Variants in SLC37A3 observed in about 807,000 individuals in gnomAD.
SLC37A3 encodes sugar phosphate exchanger 3.
SLC37A3 carries 51 observed loss-of-function variants against 67.1 expected under a neutral mutation model. The ratio of observed to expected loss-of-function variants is 0.76; its 90% CI spans 0.61 to 0.96. The LOEUF (loss-of-function observed/expected upper bound fraction) is 0.96, where lower values mean the gene tolerates loss of function less well. SLC37A3 is among the 40% of genes least tolerant of loss of function. The pLI is 0.00. For synonymous variants in SLC37A3, 214 were observed against 231.4 expected (o/e 0.92, Z 0.68); for missense variants, 508 against 603.0 (o/e 0.84, Z 1.65).
At chr7:140,372,096 T>G (rs1255886213) in intron 3 of SLC37A3, among the ~76,000 whole-genome samples, 1 of 152,132 alleles carries the variant, frequency 6.6e-6, no homozygotes, top group Non-Finnish European at 1.5e-5. Context: ...GTGATCCACC[T>G]GCCTCGGCCT....
At chr7:140,342,380 T>TCCATGA (rs1474916202) in intron 13 of SLC37A3, among the ~76,000 whole-genome samples, 4 of 152,162 alleles carry the variant, frequency 2.6e-5, no homozygotes, top group African/African-American at 4.8e-5. Context: ...CCTCTCTACA[T>TCCATGA]CCATGACCTT....
chr7:140,380,384 C>G lies in SLC37A3; in HGVS notation c.96G>C (p.Ser32=). The G allele has an allele frequency of 1.2e-6, 2 of 1,607,742 alleles. No individual in the cohort carries two copies. The highest frequency in any genetic ancestry group is 1.7e-6 in the Non-Finnish European group (2 of 1,175,144). Residue 32 remains serine (S), a synonymous_variant, in exon 3 of 15, where the codon TCG becomes TCC. Transcript: ENST00000326232. ...VVFLLTFFSY[S]LLHASRKTFS... ...ATGTTTTTCGTGAAGCATGGAGCAA[C>G]GAATAACTACAAAATAGAGAGAATA...
At chr7:140,392,876 G>A (rs1054626133) in intron 1 of SLC37A3, among the ~76,000 whole-genome samples, 1 of 152,152 alleles carries the variant, frequency 6.6e-6, no homozygotes, top group East Asian at 1.9e-4. Flanking sequence ...CGGATCACCT[G>A]AGGTCAGGAG....
rs1460373974 is a variant in SLC37A3 at position 140,358,637 on chromosome 7, T to C, written c.521+3A>G. 5.6e-6 allele frequency: 9 copies of C among 1,613,428 alleles called. No homozygotes were observed. The highest frequency in any genetic ancestry group is 7.6e-6 in the Non-Finnish European group (9 of 1,179,564). On this transcript the variant is annotated splice_donor_region_variant and intron_variant, in intron 6 of 14. Coordinates refer to ENST00000326232, the MANE Select transcript of SLC37A3 (RefSeq NM_207113.3). Reference sequence around the variant, plus strand: ...GAAATTAGAGAGGAAGGAAGTGGCATACCCGGCTTTCCCAAACCAGTTGCC... The same window carrying C: ...GAAATTAGAGAGGAAGGAAGTGGCACACCCGGCTTTCCCAAACCAGTTGCC...
In SLC37A3 at chr7:140,352,112, GCAA is replaced by G. The variant is rs1796832007; in HGVS notation, c.650_652del (p.Phe217_Ala218delinsSer). 3.1e-6 allele frequency: 5 copies of G among 1,613,220 alleles called. No homozygotes were observed. The highest frequency in any genetic ancestry group is 4.2e-6 in the Non-Finnish European group (5 of 1,179,872). On this transcript the variant is annotated inframe_deletion, in exon 8 of 15. Coordinates refer to ENST00000326232, the MANE Select transcript of SLC37A3 (RefSeq NM_207113.3). ...TCCAAAGAAGATAACGATCCCACCA[GCAA>G]ACTGCACAGACGCCGTCACCAGAAA...
chr7:140,394,904 GC>G (rs1798858632), intron 1 of SLC37A3, among the ~76,000 whole-genome samples: 1 of 151,410 alleles, frequency 6.6e-6, no homozygotes. Flanking sequence ...ACTGTGCCCA[GC>G]CCTCATAAAA....
intron 8 of SLC37A3, 134 bp downstream of exon 8, chr7:140,351,928 T>TA: frequency 1.1e-6 from 1 of 890,340 alleles, no homozygotes; most frequent in Non-Finnish European, 1.8e-6. Flanking sequence ...CAAACGGCAG[T>TA]ACTGTTCTCC....
chr7:140,350,386 G>A (rs1284603536), intron 9 of SLC37A3, among the ~76,000 whole-genome samples: 1 of 152,214 alleles, frequency 6.6e-6, no homozygotes, highest in African/African-American at 2.4e-5. Context: ...GTAGACGTTA[G>A]AAGGCTTTCC....
At chr7:140,360,610 T>C (rs1585299181) in intron 5 of SLC37A3, among the ~76,000 whole-genome samples, 1 of 151,878 alleles carries the variant, frequency 6.6e-6, no homozygotes, top group Non-Finnish European at 1.5e-5. Context: ...GGTGCACACC[T>C]GTAGTCCCAG....
At chr7:140,365,887 C>G (rs137997912) in intron 4 of SLC37A3, among the ~76,000 whole-genome samples, 61 of 135,080 alleles carry the variant, frequency 4.5e-4, no homozygotes, top group African/African-American at 1.6e-3. Context: ...AAGAAAATCT[C>G]AATTCTGCTT....
At chr7:140,377,318 G>A (rs949672351) in intron 3 of SLC37A3, among the ~76,000 whole-genome samples, 2 of 152,010 alleles carry the variant, frequency 1.3e-5, no homozygotes, top group Admixed American at 1.3e-4. Flanking sequence ...TCCTGCCTAG[G>A]CCTCCCAAAG....
At chr7:140,358,213 A>G (rs1222487312) in intron 6 of SLC37A3, among the ~76,000 whole-genome samples, 7 of 152,200 alleles carry the variant, frequency 4.6e-5, no homozygotes, top group African/African-American at 1.7e-4. Context: ...GTCAACATGA[A>G]TAACCTTTGA....
In SLC37A3 at chr7:140,365,919, CTTTTTTTTTTTTTTTTTTTTTTT is replaced by C. The variant is rs71170981; in HGVS notation, c.292-1451_292-1429del. On this transcript the variant is annotated intron_variant, in intron 4 of 14. Transcript: ENST00000326232. The stretch of plus-strand genomic sequence containing the variant: ...GCTTCAGATGACAGAACAATACATG[CTTTTTTTTTTTTTTTTTTTTTTT>C]TTTTTTTTTTTTTGAGACAGAGTCT... Among the ~76,000 whole-genome samples, 9 of 43,908 alleles carry C rather than the reference CTTTTTTTTTTTTTTTTTTTTTTT, an allele frequency of 2.0e-4. 1 individual carries two copies. Among genetic ancestry groups the C allele is most frequent in the East Asian group, 9.2e-4 (1 of 1,088 alleles). 28.8% of individuals were successfully genotyped at this position (43,908 alleles called of 152,430 possible).
At chr7:140,340,735 T>C (rs1349477583) in intron 13 of SLC37A3, among the ~76,000 whole-genome samples, 1 of 151,328 alleles carries the variant, frequency 6.6e-6, no homozygotes, top group Non-Finnish European at 1.5e-5. Context: ...TTGAGACCAG[T>C]CTGGGCAATG....
chr7:140,374,479 A>C (rs1448708740), intron 3 of SLC37A3, among the ~76,000 whole-genome samples: 4 of 149,828 alleles, frequency 2.7e-5, no homozygotes, highest in Admixed American at 6.8e-5. Flanking sequence ...CCTGGGCGAC[A>C]GAGCAAGACT....
At chr7:140,348,577 T>C in intron 10 of SLC37A3, 49 bp downstream of exon 10, 4 of 1,554,772 alleles carry the variant, frequency 2.6e-6, no homozygotes, top group Non-Finnish European at 2.6e-6. Flanking sequence ...CAGTAAAAGA[T>C]CACTAGTGAC....
intron 3 of SLC37A3, among the ~76,000 whole-genome samples, chr7:140,375,249 G>T (rs574816525): frequency 2.6e-5 from 4 of 151,040 alleles, no homozygotes; most frequent in Non-Finnish European, 4.4e-5. Flanking sequence ...CGGGTGGATT[G>T]CCTGAGCTCA....
At chr7:140,362,737 C>G (rs1484047821) in intron 5 of SLC37A3, among the ~76,000 whole-genome samples, 2 of 90,644 alleles carry the variant, frequency 2.2e-5, no homozygotes, top group Admixed American at 1.9e-4. Flanking sequence ...GGGGGGTCAG[C>G]CCCCCACCCG....
At chr7:140,353,900 C>G (rs916150677) in intron 7 of SLC37A3, among the ~76,000 whole-genome samples, 1 of 152,050 alleles carries the variant, frequency 6.6e-6, no homozygotes, top group Non-Finnish European at 1.5e-5. Flanking sequence ...TTAGTAGAGA[C>G]AGGGTTTCAT....
Sources: allele counts gnomAD v4.1 joint callset (sites outside exome capture counted in the v4.1 genomes callset), GRCh38; gene constraint gnomAD v4.1.1; transcripts MANE v1.5; gene names NCBI Gene and HGNC (gene_info 2026-07-23, HGNC 2026-07-21).